The following DLG2 variants were observed in gnomAD, a reference collection of about 807,000 sequenced individuals.
DLG2 encodes the protein disks large homolog 2.
In DLG2, 45 loss-of-function variants were observed where a neutral mutation model predicts 132.5. That is an observed-to-expected ratio of 0.34 (90% CI 0.27 to 0.44). The LOEUF (loss-of-function observed/expected upper bound fraction) is 0.44, where lower values mean the gene tolerates loss of function less well. Among genes scored for constraint, DLG2 ranks in the 20% least tolerant of loss-of-function variants. DLG2 has a pLI of 1.00. For synonymous variants in DLG2, 424 were observed against 419.6 expected (o/e 1.01, Z -0.13); for missense variants, 1,045 against 1,196.9 (o/e 0.87, Z 1.87).
chr11:84,661,482 T>C (rs900239113), intron 6 of DLG2, among the ~76,000 whole-genome samples: 7 of 152,202 alleles, frequency 4.6e-5, no homozygotes, highest in African/African-American at 7.2e-5. Context: ...TCAGGGATTA[T>C]AAATATGATA....
At chr11:83,937,766 C>T (rs1026299238) in intron 14 of DLG2, among the ~76,000 whole-genome samples, 1 of 152,062 alleles carries the variant, frequency 6.6e-6, no homozygotes, top group Non-Finnish European at 1.5e-5. Context: ...TTAAATGATA[C>T]ATCCCTTTTA....
At chr11:85,022,087 T>C (rs190481311) in intron 6 of DLG2, among the ~76,000 whole-genome samples, 187 of 152,086 alleles carry the variant, frequency 1.2e-3, no homozygotes, top group African/African-American at 4.3e-3. Context: ...AGTCATAAAA[T>C]AGGAATGTAA....
chr11:85,551,980 C>T (rs1176048395), intron 3 of DLG2, among the ~76,000 whole-genome samples: 1 of 151,286 alleles, frequency 6.6e-6, no homozygotes, highest in Non-Finnish European at 1.5e-5. Context: ...TATATATACC[C>T]CTAAGGCCTT....
intron 6 of DLG2, among the ~76,000 whole-genome samples, chr11:84,756,577 G>T (rs1220680237): frequency 6.6e-6 from 1 of 152,118 alleles, no homozygotes; most frequent in East Asian, 1.9e-4. Flanking sequence ...ACTTACCTTA[G>T]AAGGTTGTTA....
intron 6 of DLG2, chr11:84,545,746 A>G (rs879159672): frequency 5.9e-6 from 1 of 170,680 alleles, no homozygotes; most frequent in Non-Finnish European, 1.2e-5. Context: ...GTCTTAGGTG[A>G]TGTTCTTTTT....
chr11:85,366,414 C>A (rs551288411), intron 3 of DLG2, among the ~76,000 whole-genome samples: 2 of 151,898 alleles, frequency 1.3e-5, no homozygotes, highest in South Asian at 4.2e-4. Flanking sequence ...GATTATCAAG[C>A]CAGACTCAAA....
At chr11:84,847,014 A>G (rs926560138) in intron 6 of DLG2, among the ~76,000 whole-genome samples, 1 of 152,106 alleles carries the variant, frequency 6.6e-6, no homozygotes, top group Admixed American at 6.6e-5. Context: ...AATACTGTCA[A>G]TTTAGAGACC....
chr11:84,868,486 G>T (rs1049473568), intron 6 of DLG2, among the ~76,000 whole-genome samples: 1 of 152,020 alleles, frequency 6.6e-6, no homozygotes, highest in African/African-American at 2.4e-5. Flanking sequence ...AGTCTATTTC[G>T]TAACCAGAGA....
chr11:85,607,529 T>A (rs184948837), intron 2 of DLG2, among the ~76,000 whole-genome samples: 1 of 152,350 alleles, frequency 6.6e-6, no homozygotes, highest in East Asian at 1.9e-4. Flanking sequence ...GTCCCGCTTA[T>A]AAAAACCACT....
chr11:84,176,828 TC>T (rs1340646253), intron 8 of DLG2, among the ~76,000 whole-genome samples: 14 of 152,106 alleles, frequency 9.2e-5, no homozygotes, highest in Non-Finnish European at 5.9e-5. Context: ...TTCTAACAGT[TC>T]ATGCTCAAGC....
chr11:84,858,731 TCAAA>T (rs1308087421), intron 6 of DLG2, among the ~76,000 whole-genome samples: 1 of 152,048 alleles, frequency 6.6e-6, no homozygotes, highest in African/African-American at 2.4e-5. Flanking sequence ...AGACAAGTAC[TCAAA>T]CAAAAAGAAA....
At chr11:84,069,388 C>T (rs1481589114) in intron 10 of DLG2, among the ~76,000 whole-genome samples, 1 of 152,144 alleles carries the variant, frequency 6.6e-6, no homozygotes, top group Non-Finnish European at 1.5e-5. Flanking sequence ...GGAACAAAGC[C>T]TCTAAGGGAA....
chr11:84,680,611 T>A (rs1308348999), intron 6 of DLG2, among the ~76,000 whole-genome samples: 2 of 152,192 alleles, frequency 1.3e-5, no homozygotes, highest in African/African-American at 2.4e-5. Flanking sequence ...GCTAATCTGA[T>A]GGGCTTGAAA....
chr11:83,578,383 G>A (rs1297419130), intron 19 of DLG2, among the ~76,000 whole-genome samples: 5 of 151,954 alleles, frequency 3.3e-5, no homozygotes, highest in Non-Finnish European at 7.4e-5. Flanking sequence ...ACAGTACCAA[G>A]ATGATTAGAC....
intron 6 of DLG2, among the ~76,000 whole-genome samples, chr11:85,017,216 T>C (rs990120939): frequency 1.3e-5 from 2 of 152,138 alleles, no homozygotes; most frequent in African/African-American, 2.4e-5. Context: ...TGGTCAACTA[T>C]GTTCTAGTCT....
chr11:85,449,106 A>T (rs1477289496), intron 3 of DLG2, among the ~76,000 whole-genome samples: 1 of 151,744 alleles, frequency 6.6e-6, no homozygotes, highest in Non-Finnish European at 1.5e-5. Flanking sequence ...CCTTTTTCTA[A>T]CATGTTAAAT....
chr11:84,163,754 T>A (rs896986092), intron 8 of DLG2, among the ~76,000 whole-genome samples: 1 of 152,136 alleles, frequency 6.6e-6, no homozygotes, highest in African/African-American at 2.4e-5. Flanking sequence ...ATTCTGTGAT[T>A]TTTTTGTAGT....
At chr11:85,551,026 T>G (rs1210907296) in intron 3 of DLG2, among the ~76,000 whole-genome samples, 1 of 152,228 alleles carries the variant, frequency 6.6e-6, no homozygotes, top group Non-Finnish European at 1.5e-5. Context: ...TTCAGTAGCT[T>G]CTTGTTAATT....
chr11:83,564,420 C>G (rs530964173), intron 19 of DLG2, among the ~76,000 whole-genome samples: 2 of 152,296 alleles, frequency 1.3e-5, no homozygotes, highest in African/African-American at 4.8e-5. Flanking sequence ...CACTCATCCC[C>G]TCATTGCTTC....
Sources: gnomAD v4.1 joint callset for allele counts (sites outside exome capture counted in the v4.1 genomes callset) on GRCh38, gnomAD v4.1.1 for gene constraint, MANE v1.5 for transcripts, NCBI Gene and HGNC (gene_info 2026-07-23, HGNC 2026-07-21) for gene names.